The following EIF4G3 variants were observed in gnomAD, a reference collection of about 807,000 sequenced individuals.
The protein encoded by EIF4G3 is eukaryotic translation initiation factor 4 gamma 3, also known as eIF-4-gamma 3.
EIF4G3 carries 34 observed loss-of-function variants against 186.4 expected under a neutral mutation model. The ratio of observed to expected loss-of-function variants is 0.18; its 90% CI spans 0.14 to 0.24. The LOEUF (loss-of-function observed/expected upper bound fraction) is 0.24. Among genes scored for constraint, EIF4G3 ranks in the 10% least tolerant of loss-of-function variants. EIF4G3 has a pLI of 1.00. For missense variants in EIF4G3, 1,536 were observed against 1,948.5 expected (o/e 0.79, Z 3.99); for synonymous variants, 673 against 679.5 (o/e 0.99, Z 0.15).
intron 3 of EIF4G3, among the ~76,000 whole-genome samples, chr1:21,070,590 T>C (rs2095413331): frequency 6.6e-6 from 1 of 152,052 alleles, no homozygotes; most frequent in African/African-American, 2.4e-5. Context: ...TAACTATTAA[T>C]TTTTTAAAAC....
At chr1:21,175,629 C>G (rs2098086121) in intron 2 of EIF4G3, 1 of 152,206 alleles carries the variant, frequency 6.6e-6, no homozygotes. Flanking sequence ...GAACTGCTTT[C>G]TGTACATTTT....
chr1:20,814,843 G>A (rs1220523585), intron 34 of EIF4G3, among the ~76,000 whole-genome samples: 1 of 113,014 alleles, frequency 8.8e-6, no homozygotes, highest in Non-Finnish European at 1.8e-5. Flanking sequence ...GCCAAAGCTG[G>A]ACGGTACTGC....
At chr1:21,089,982 T>G (rs1184471013) in intron 2 of EIF4G3, among the ~76,000 whole-genome samples, 1 of 152,212 alleles carries the variant, frequency 6.6e-6, no homozygotes, top group African/African-American at 2.4e-5. Flanking sequence ...CAAAACAGCT[T>G]TTCATAGTGC....
At chr1:20,905,032 T>TATCA in intron 14 of EIF4G3, 61 bp from the exon 15 acceptor site, 1 of 1,221,358 alleles carries the variant, frequency 8.2e-7, no homozygotes, top group Non-Finnish European at 1.2e-6. Flanking sequence ...AAATATTAGG[T>TATCA]CTAAGTGATA....
At chr1:20,854,056 A>T (rs765472007) in intron 26 of EIF4G3, among the ~76,000 whole-genome samples, 58 of 152,294 alleles carry the variant, frequency 3.8e-4, no homozygotes, top group Non-Finnish European at 7.5e-4. Flanking sequence ...GACATTTTTT[A>T]AAATTTAAAG....
chr1:20,854,263 G>A (rs1306128988), intron 26 of EIF4G3, among the ~76,000 whole-genome samples: 3 of 151,968 alleles, frequency 2.0e-5, no homozygotes, highest in Admixed American at 6.6e-5. Flanking sequence ...TTCTTTTACA[G>A]CTCCCTAAAA....
chr1:20,950,493 G>A (rs2096162371), intron 12 of EIF4G3, among the ~76,000 whole-genome samples: 1 of 152,018 alleles, frequency 6.6e-6, no homozygotes, highest in Admixed American at 6.6e-5. Flanking sequence ...AGAAGGATTT[G>A]GTCAACTTCA....
chr1:21,089,258 TAATA>T, intron 2 of EIF4G3, 45 bp from the exon 3 acceptor site: 1 of 705,776 alleles, frequency 1.4e-6, no homozygotes, highest in South Asian at 1.5e-5. Context: ...AATGGATGCT[TAATA>T]GTTAGAGAAA....
chr1:21,009,631 T>C (rs1233251169), intron 4 of EIF4G3, among the ~76,000 whole-genome samples: 1 of 148,902 alleles, frequency 6.7e-6, no homozygotes, highest in East Asian at 2.0e-4. Context: ...TTGAGAACTG[T>C]CTTCTTCTTC....
At chr1:21,040,257 C>CA (rs1177674758) in intron 4 of EIF4G3, among the ~76,000 whole-genome samples, 1 of 152,050 alleles carries the variant, frequency 6.6e-6, no homozygotes, top group Non-Finnish European at 1.5e-5. Context: ...ATGAAGTCTC[C>CA]AAAAAACCTA....
At chr1:21,040,675 G>C (rs1056471738) in intron 4 of EIF4G3, among the ~76,000 whole-genome samples, 1 of 152,194 alleles carries the variant, frequency 6.6e-6, no homozygotes, top group African/African-American at 2.4e-5. Flanking sequence ...AATGAATTGA[G>C]ATAATTTAAC....
chr1:21,007,540 C>T (rs61781117), intron 4 of EIF4G3, among the ~76,000 whole-genome samples: 1 of 36,582 alleles, frequency 2.7e-5, no homozygotes, highest in Non-Finnish European at 5.5e-5. Flanking sequence ...AAAAAAAACA[C>T]ACTCAAAAAC....
chr1:20,850,604 T>C (rs1034985776), intron 28 of EIF4G3, among the ~76,000 whole-genome samples: 3 of 152,250 alleles, frequency 2.0e-5, no homozygotes. Flanking sequence ...CATCACAACA[T>C]TTAATACTTT....
At chr1:21,162,466 G>C (rs927176394) in intron 2 of EIF4G3, among the ~76,000 whole-genome samples, 2 of 146,902 alleles carry the variant, frequency 1.4e-5, no homozygotes, top group Non-Finnish European at 3.0e-5. Flanking sequence ...AAAAAAAAAG[G>C]TGGGACACAG....
intron 14 of EIF4G3, among the ~76,000 whole-genome samples, chr1:20,927,541 G>A (rs2094997437): frequency 6.6e-6 from 1 of 152,166 alleles, no homozygotes; most frequent in Non-Finnish European, 1.5e-5. Flanking sequence ...GTAAGATAAT[G>A]ACAGTCTGTG....
chr1:20,839,285 A>G (rs2067704926), intron 30 of EIF4G3, among the ~76,000 whole-genome samples: 1 of 150,974 alleles, frequency 6.6e-6, no homozygotes, highest in African/African-American at 2.4e-5. Context: ...CCTAATTTTC[A>G]TATTTTTAGT....
chr1:21,124,174 C>T (rs948548387), intron 2 of EIF4G3, among the ~76,000 whole-genome samples: 1 of 151,948 alleles, frequency 6.6e-6, no homozygotes, highest in African/African-American at 2.4e-5. Flanking sequence ...GCCTGTAATC[C>T]GAGCTACTTG....
At chr1:21,149,340 TC>T in intron 2 of EIF4G3, among the ~76,000 whole-genome samples, 1 of 152,192 alleles carries the variant, frequency 6.6e-6, no homozygotes, top group Non-Finnish European at 1.5e-5. Context: ...AAACTGTTAT[TC>T]TTTTTTTTTC....
chr1:21,042,839 A>C (rs1323463950), intron 4 of EIF4G3, among the ~76,000 whole-genome samples: 6 of 152,196 alleles, frequency 3.9e-5, no homozygotes, highest in Non-Finnish European at 8.8e-5. Flanking sequence ...AAACTGCACA[A>C]TTTCTTCATT....
Sources: gnomAD v4.1 joint callset for allele counts (sites outside exome capture counted in the v4.1 genomes callset) on GRCh38, gnomAD v4.1.1 for gene constraint, MANE v1.5 for transcripts, NCBI Gene and HGNC (gene_info 2026-07-23, HGNC 2026-07-21) for gene names.